TSHZ2: variants seen among roughly 807,000 people sequenced by gnomAD.
The protein encoded by TSHZ2 is teashirt zinc finger homeobox 2.
In TSHZ2, 21 loss-of-function variants were observed where a neutral mutation model predicts 74.4. That is an observed-to-expected ratio of 0.28 (90% CI 0.20 to 0.41). TSHZ2 has a LOEUF of 0.41. Ranked by LOEUF, TSHZ2 falls within the 10% of genes least tolerant of loss-of-function variation. The pLI, the probability that TSHZ2 is intolerant of heterozygous loss-of-function variation, is 1.00. For missense variants in TSHZ2, 1,244 were observed against 1,293.5 expected (o/e 0.96, Z 0.59); for synonymous variants, 540 against 515.3 (o/e 1.05, Z -0.65).
intron 1 of TSHZ2, among the ~76,000 whole-genome samples, chr20:53,052,642 C>A (rs2123136913): frequency 1.3e-5 from 2 of 152,308 alleles, no homozygotes; most frequent in Middle Eastern, 6.8e-3. Flanking sequence ...TTCTTTAAGG[C>A]TGAGTATTAT....
intron 1 of TSHZ2, among the ~76,000 whole-genome samples, chr20:53,116,698 C>T (rs942538968): frequency 1.7e-4 from 26 of 152,182 alleles, no homozygotes; most frequent in African/African-American, 5.5e-4. Flanking sequence ...TCTACTCATA[C>T]TTGAGACCCT....
chr20:53,005,289 G>A (rs1393245897), intron 1 of TSHZ2, among the ~76,000 whole-genome samples: 1 of 152,140 alleles, frequency 6.6e-6, no homozygotes, highest in East Asian at 1.9e-4. Context: ...TCCAGCCTGG[G>A]CAACAGAGAG....
At chr20:53,229,958 G>A (rs899814137) in intron 1 of TSHZ2, among the ~76,000 whole-genome samples, 30 of 146,160 alleles carry the variant, frequency 2.1e-4, no homozygotes, top group African/African-American at 5.6e-4. Flanking sequence ...GGAAGAAAGA[G>A]AAAGAAGAAG....
intron 1 of TSHZ2, among the ~76,000 whole-genome samples, chr20:53,233,794 CAAAA>C (rs1364798176): frequency 6.6e-6 from 1 of 152,048 alleles, no homozygotes; most frequent in Admixed American, 6.6e-5. Flanking sequence ...TCAGTACTAA[CAAAA>C]AAAGAAGAGT....
chr20:53,410,518 A>G (rs2145696038), intron 2 of TSHZ2, among the ~76,000 whole-genome samples: 1 of 152,040 alleles, frequency 6.6e-6, no homozygotes, highest in South Asian at 2.1e-4. Context: ...CTTACAAAAC[A>G]CATAACTCTC....
In TSHZ2 at chr20:53,255,967, A is replaced by G. The variant is rs1600771862; in HGVS notation, c.2509A>G (p.Thr837Ala). The G allele has an allele frequency of 6.2e-7, 1 of 1,614,072 alleles. No individual in the cohort carries two copies. The highest frequency in any genetic ancestry group is 8.5e-7 in the Non-Finnish European group (1 of 1,179,936). ...TGAGGATGTCTCCAGTGAAGTCTCA[A>G]CTTTGCATAAAAGAAAAGGCCGGCA... ...RFEDVSSEVSTLHKRKGRQSN... is the reference protein window; with the variant it reads ...RFEDVSSEVSALHKRKGRQSN... The change falls in exon 2 of 3, where the codon ACT (threonine) becomes GCT (alanine). Residue 837 changes from threonine to alanine, a missense_variant. Around this residue, in one of 6 missense-constraint regions of TSHZ2, gnomAD observed 562 missense variants for 544.0 expected, o/e 1.03. Coordinates refer to ENST00000371497, the MANE Select transcript of TSHZ2 (RefSeq NM_173485.6). The surrounding 1 kb of genome is among the most constrained non-coding windows in gnomAD (Gnocchi z 4.1).
At chr20:53,304,778 C>A (rs1340468834) in intron 2 of TSHZ2, among the ~76,000 whole-genome samples, 2 of 151,836 alleles carry the variant, frequency 1.3e-5, no homozygotes, top group East Asian at 3.9e-4. Context: ...ATTACAGGCA[C>A]GCACCACCAC....
chr20:52,976,131 T>TTACAGAAC (rs772214776), intron 1 of TSHZ2, among the ~76,000 whole-genome samples: 1 of 152,206 alleles, frequency 6.6e-6, no homozygotes, highest in Non-Finnish European at 1.5e-5. Context: ...AAGGAATCAA[T>TTACAGAAC]TACAGAACTT....
intron 1 of TSHZ2, among the ~76,000 whole-genome samples, chr20:53,024,831 C>A (rs529904666): frequency 1.3e-5 from 2 of 152,248 alleles, no homozygotes; most frequent in African/African-American, 4.8e-5. Flanking sequence ...TGGACTCATC[C>A]TTTTGTATGG....
chr20:53,166,219 T>C (rs1988058101), intron 1 of TSHZ2, among the ~76,000 whole-genome samples: 1 of 152,230 alleles, frequency 6.6e-6, no homozygotes, highest in Non-Finnish European at 1.5e-5. Flanking sequence ...AGTTTCAACA[T>C]ATTCTATTAA....
intron 1 of TSHZ2, among the ~76,000 whole-genome samples, chr20:53,024,688 C>T (rs943498614): frequency 1.3e-5 from 2 of 152,068 alleles, no homozygotes; most frequent in African/African-American, 4.8e-5. Flanking sequence ...GATGTTCCCC[C>T]CACTGTGTCC....
chr20:53,045,710 G>T (rs1984203701), intron 1 of TSHZ2, among the ~76,000 whole-genome samples: 1 of 152,164 alleles, frequency 6.6e-6, no homozygotes, highest in Non-Finnish European at 1.5e-5. Flanking sequence ...TGGCTGAGTG[G>T]ATTTCACTCT....
At chr20:52,988,605 A>T (rs1028804727) in intron 1 of TSHZ2, among the ~76,000 whole-genome samples, 12 of 152,062 alleles carry the variant, frequency 7.9e-5, no homozygotes, top group African/African-American at 2.4e-4. Context: ...AAAAAAAAAA[A>T]GATCATCCCT....
Position 53,271,091 on chromosome 20 carries a change from C to T in TSHZ2, c.*8+14520C>T, listed in dbSNP as rs953557977. Among the ~76,000 whole-genome samples, 6 of 152,284 alleles carry T rather than the reference C, an allele frequency of 3.9e-5. No individual in the cohort carries two copies. The East Asian group carries it at 5.8e-4, about 15-fold the overall frequency. ...CAGAAATGTAAGAGGATGAAAAATG[C>T]GAGGCCTTTGTAAGTGGAGGGGAGA... On this transcript the variant is annotated intron_variant, in intron 2 of 2. Coordinates refer to ENST00000371497, the MANE Select transcript of TSHZ2 (RefSeq NM_173485.6).
chr20:53,349,686 G>A (rs566937716), intron 2 of TSHZ2, among the ~76,000 whole-genome samples: 1 of 151,672 alleles, frequency 6.6e-6, no homozygotes, highest in Admixed American at 6.6e-5. Context: ...GCTTCCCCAG[G>A]TGAAGTCTGA....
chr20:53,151,673 AC>A (rs1987680266), intron 1 of TSHZ2, among the ~76,000 whole-genome samples: 2 of 152,216 alleles, frequency 1.3e-5, no homozygotes, highest in African/African-American at 4.8e-5. Flanking sequence ...GTTTAAAAAA[AC>A]TTTTGGTATT....
At chr20:53,472,740 A>C (rs1186912116) in intron 2 of TSHZ2, among the ~76,000 whole-genome samples, 1 of 151,158 alleles carries the variant, frequency 6.6e-6, no homozygotes, top group Admixed American at 6.6e-5. Flanking sequence ...TTTCCATCTG[A>C]GGTACCAGGT....
chr20:53,323,562 G>GTTTTT (rs1979361508), intron 2 of TSHZ2, among the ~76,000 whole-genome samples: 2 of 64,134 alleles, frequency 3.1e-5, no homozygotes, highest in Admixed American at 1.7e-4. Flanking sequence ...GCCTTGGAGG[G>GTTTTT]CTTTTTTTTT....
At chr20:53,129,495 C>A (rs1228850681) in intron 1 of TSHZ2, among the ~76,000 whole-genome samples, 1 of 152,036 alleles carries the variant, frequency 6.6e-6, no homozygotes, top group African/African-American at 2.4e-5. Context: ...TAATCTGTAC[C>A]ATACTATATC....
Sources: allele counts gnomAD v4.1 joint callset (sites outside exome capture counted in the v4.1 genomes callset), GRCh38; gene constraint gnomAD v4.1.1; regional missense constraint gnomAD v4.1.1; non-coding constraint Gnocchi (gnomAD v3.1); transcripts MANE v1.5; gene names NCBI Gene and HGNC (gene_info 2026-07-23, HGNC 2026-07-21).